Variants in TAF4B observed in about 807,000 individuals in gnomAD.
TAF4B encodes the protein transcription initiation factor TFIID subunit 4B.
In TAF4B, 38 loss-of-function variants were observed where a neutral mutation model predicts 86.4. The ratio of observed to expected loss-of-function variants is 0.44; its 90% confidence interval spans 0.34 to 0.58. The LOEUF (loss-of-function observed/expected upper bound fraction) is 0.58. Among genes scored for constraint, TAF4B ranks in the 20% least tolerant of loss-of-function variants. The pLI is 0.02. For missense variants in TAF4B, 988 were observed against 1,027.6 expected (o/e 0.96, Z 0.53); for synonymous variants, 388 against 391.2 (o/e 0.99, Z 0.10).
chr18:26,265,588 T>C (rs1008947360), intron 2 of TAF4B, among the ~76,000 whole-genome samples: 2 of 152,168 alleles, frequency 1.3e-5, no homozygotes, highest in African/African-American at 2.4e-5. Context: ...GATCTCACTC[T>C]CTCTCCCAGG....
chr18:26,335,638 G>A (rs981914485), intron 13 of TAF4B, among the ~76,000 whole-genome samples: 33 of 152,160 alleles, frequency 2.2e-4, no homozygotes, highest in African/African-American at 8.0e-4. Flanking sequence ...CTGGGATTTA[G>A]TTTTAAATGG....
intron 1 of TAF4B, among the ~76,000 whole-genome samples, chr18:26,230,446 G>A (rs2055647766): frequency 6.6e-6 from 1 of 152,182 alleles, no homozygotes. Flanking sequence ...CACTTCCACA[G>A]TTGTCACAGT....
At chr18:26,277,449 C>T (rs975517302) in intron 5 of TAF4B, among the ~76,000 whole-genome samples, 3 of 152,040 alleles carry the variant, frequency 2.0e-5, no homozygotes, top group African/African-American at 4.8e-5. Context: ...AAGTGAAAAC[C>T]GAGTTTCAAA....
intron 10 of TAF4B, among the ~76,000 whole-genome samples, chr18:26,318,032 T>G (rs1466803568): frequency 6.6e-6 from 1 of 152,146 alleles, no homozygotes; most frequent in Non-Finnish European, 1.5e-5. Flanking sequence ...ACTTCTTTTT[T>G]AAAAAAATAT....
At chr18:26,351,021 GAGAAA>G (rs1298910966) in intron 13 of TAF4B, among the ~76,000 whole-genome samples, 2 of 152,160 alleles carry the variant, frequency 1.3e-5, no homozygotes, top group African/African-American at 4.8e-5. Context: ...TCCCAGTACT[GAGAAA>G]AGAAATCAGT....
At chr18:26,250,597 G>T (rs1167269509) in intron 1 of TAF4B, among the ~76,000 whole-genome samples, 1 of 152,092 alleles carries the variant, frequency 6.6e-6, no homozygotes, top group African/African-American at 2.4e-5. Context: ...ACCCACCTCA[G>T]CCTTCCAAAG....
Position 26,293,351 on chromosome 18 carries a change from G to C in TAF4B, c.1727-75G>C, listed in dbSNP as rs560117778. ...TGATTATTCTATATATATAAAAAAC[G>C]GTTGTCCTGGATTTTTCCTAATGTG... is the stretch of plus-strand genomic sequence containing the variant. On this transcript the variant is annotated intron_variant, in intron 8 of 14. Transcript: ENST00000269142. The C allele has an allele frequency of 5.4e-4, 523 of 966,300 alleles. 2 individuals carry two copies. Among genetic ancestry groups the C allele is most frequent in the Non-Finnish European group, 6.7e-4 (432 of 642,344 alleles). The allele number at this position is 966,300 out of a possible 1,614,324, so 59.9% of individuals were successfully genotyped here. A position where few individuals can be genotyped will look rare whatever the true frequency, so the allele number is the denominator to read the frequency against.
intron 12 of TAF4B, among the ~76,000 whole-genome samples, chr18:26,333,067 T>C (rs1347721964): frequency 6.6e-6 from 1 of 151,826 alleles, no homozygotes; most frequent in African/African-American, 2.4e-5. Flanking sequence ...TGTTTAGATA[T>C]CTACTCAAAT....
rs1365876707 is a variant in TAF4B at position 26,326,910 on chromosome 18, C to CT, written c.2134-104dup. 7 of 1,275,878 alleles carry CT rather than the reference C, an allele frequency of 5.5e-6. No individual in the cohort carries two copies. In the African/African-American group the frequency reaches 1.0e-4, roughly 19 times the overall value. The allele number at this position is 1,275,878 out of a possible 1,614,324, so 79.0% of individuals were successfully genotyped here. A position where few individuals can be genotyped will look rare whatever the true frequency, so the allele number is the denominator to read the frequency against. On this transcript the variant is annotated intron_variant, in intron 11 of 14. Transcript: ENST00000269142. ...CATTACCTTCTGAAAGTTCAGCTTCCTATTTATGTTGGTATTCCTGCCTTT... is the reference window on the plus strand; with the variant it reads ...CATTACCTTCTGAAAGTTCAGCTTCCTTATTTATGTTGGTATTCCTGCCTTT...
At chr18:26,342,277 ACTTTC>A (rs926547436) in intron 13 of TAF4B, among the ~76,000 whole-genome samples, 1 of 152,106 alleles carries the variant, frequency 6.6e-6, no homozygotes, top group Non-Finnish European at 1.5e-5. Flanking sequence ...TGCTACTAAC[ACTTTC>A]CTTAAGCATG....
chr18:26,371,652 C>T (rs1234223129), intron 14 of TAF4B, among the ~76,000 whole-genome samples: 1 of 152,130 alleles, frequency 6.6e-6, no homozygotes, highest in African/African-American at 2.4e-5. Flanking sequence ...ATCCCTAGAA[C>T]GGAAATAGAT....
intron 12 of TAF4B, 78 bp from the exon 13 acceptor site, chr18:26,335,097 C>A: frequency 9.6e-7 from 1 of 1,045,298 alleles, no homozygotes; most frequent in African/African-American, 1.6e-5. Flanking sequence ...AGAAAATTGT[C>A]ATTTATTAAA....
At chr18:26,329,179 T>C (rs1221899550) in intron 12 of TAF4B, among the ~76,000 whole-genome samples, 1 of 151,820 alleles carries the variant, frequency 6.6e-6, no homozygotes, top group Non-Finnish European at 1.5e-5. Flanking sequence ...CACCTCAGCT[T>C]CTTAAGTAGC....
At chr18:26,362,675 A>G (rs779446899) in intron 14 of TAF4B, among the ~76,000 whole-genome samples, 45 of 152,224 alleles carry the variant, frequency 3.0e-4, no homozygotes, top group Non-Finnish European at 5.7e-4. Flanking sequence ...GATGTTTACT[A>G]ACTTGGATAT....
chr18:26,255,828 T>C (rs1333045528), intron 1 of TAF4B: 1 of 1,415,882 alleles, frequency 7.1e-7, no homozygotes, highest in Non-Finnish European at 1.0e-6. Context: ...ACGGCCTTTA[T>C]AGATGATCCC....
At chr18:26,319,577 G>A (rs1419434144) in intron 10 of TAF4B, among the ~76,000 whole-genome samples, 1 of 96,432 alleles carries the variant, frequency 1.0e-5, no homozygotes. Context: ...TTTATGCTGA[G>A]GGTTTTAGTT....
At chr18:26,271,926 C>CAAAA (rs543780780) in intron 3 of TAF4B, among the ~76,000 whole-genome samples, 1 of 65,548 alleles carries the variant, frequency 1.5e-5, no homozygotes, top group African/African-American at 5.0e-5. Flanking sequence ...GACTCCGTCT[C>CAAAA]AAAAAAAAAA....
chr18:26,379,348 G>T (rs1327382855), intron 14 of TAF4B, among the ~76,000 whole-genome samples: 1 of 152,002 alleles, frequency 6.6e-6, no homozygotes, highest in Non-Finnish European at 1.5e-5. Context: ...TATGTTATAG[G>T]TCTTTGATCT....
intron 1 of TAF4B, among the ~76,000 whole-genome samples, chr18:26,227,917 G>T (rs987841365): frequency 5.9e-5 from 9 of 152,230 alleles, no homozygotes; most frequent in African/African-American, 2.2e-4. Context: ...GAATAATGCT[G>T]TTCCTGCACA....
Sources: allele counts gnomAD v4.1 joint callset (sites outside exome capture counted in the v4.1 genomes callset), GRCh38; gene constraint gnomAD v4.1.1; transcripts MANE v1.5; gene names NCBI Gene and HGNC (gene_info 2026-07-23, HGNC 2026-07-21).